Variants in GABRG3 observed in about 807,000 individuals in gnomAD.
GABRG3 encodes gamma-aminobutyric acid type A receptor subunit gamma3, also known as gamma-aminobutyric acid receptor subunit gamma-3.
Under a neutral mutation model 48.8 loss-of-function variants are expected in GABRG3, and 25 were observed. The ratio of observed to expected loss-of-function variants is 0.51; its 90% CI spans 0.37 to 0.72. The LOEUF is 0.72. GABRG3 is among the 30% of genes least tolerant of loss of function. The probability of loss-of-function intolerance (pLI) is 0.00; values close to 1 mark genes in which losing one functional copy is unlikely to be tolerated. For missense variants in GABRG3, 394 were observed against 577.9 expected (o/e 0.68, Z 3.26); for synonymous variants, 227 against 217.6 (o/e 1.04, Z -0.38).
At chr15:27,273,536 G>A (rs1207496896) in intron 3 of GABRG3, among the ~76,000 whole-genome samples, 1 of 152,188 alleles carries the variant, frequency 6.6e-6, no homozygotes, top group Non-Finnish European at 1.5e-5. Flanking sequence ...GCACAGAAGA[G>A]GAAGCTGATG....
chr15:27,164,540 T>TTC, intron 3 of GABRG3, among the ~76,000 whole-genome samples: 1 of 152,190 alleles, frequency 6.6e-6, no homozygotes, highest in Non-Finnish European at 1.5e-5. Context: ...GAATCAAAGC[T>TTC]TCACCCTTGA....
intron 3 of GABRG3, among the ~76,000 whole-genome samples, chr15:27,105,265 A>G (rs1897430147): frequency 6.6e-6 from 1 of 152,178 alleles, no homozygotes; most frequent in Admixed American, 6.5e-5. Flanking sequence ...ATCAAGCAAC[A>G]GAGCCTCAAA....
intron 6 of GABRG3, among the ~76,000 whole-genome samples, chr15:27,496,785 GAGC>G (rs1890498242): frequency 1.3e-5 from 2 of 152,152 alleles, no homozygotes; most frequent in Admixed American, 1.3e-4. Flanking sequence ...ATCAGTAGAG[GAGC>G]AGCAGCCACT....
At chr15:27,084,109 G>T (rs543739088) in intron 3 of GABRG3, among the ~76,000 whole-genome samples, 4 of 152,202 alleles carry the variant, frequency 2.6e-5, no homozygotes, top group Non-Finnish European at 4.4e-5. Flanking sequence ...CATCCAGGCC[G>T]TCTTGCCTCA....
At chr15:27,455,674 CTGTG>C (rs1373894567) in intron 5 of GABRG3, among the ~76,000 whole-genome samples, 1 of 119,798 alleles carries the variant, frequency 8.3e-6, no homozygotes, top group East Asian at 2.4e-4. Context: ...TGTATGTGTG[CTGTG>C]TGTGTGCATT....
chr15:27,484,848 T>C (rs1336339017), intron 6 of GABRG3, among the ~76,000 whole-genome samples: 1 of 152,216 alleles, frequency 6.6e-6, no homozygotes, highest in Admixed American at 6.5e-5. Context: ...TACAGTAGTA[T>C]TGGATTATAA....
intron 5 of GABRG3, chr15:27,364,021 G>T (rs993284002): frequency 2.6e-5 from 4 of 152,158 alleles, no homozygotes; most frequent in Non-Finnish European, 5.9e-5. Flanking sequence ...TAGAAGAGCA[G>T]GACGCTGATG....
chr15:27,026,836 T>G lies in GABRG3; in HGVS notation c.270+15T>G, dbSNP rs779639053. On this transcript the variant is annotated intron_variant, in intron 3 of 9. Coordinates refer to ENST00000615808, the MANE Select transcript of GABRG3 (RefSeq NM_033223.5). ...CAATAAACATGGTAAGAAGCTCCTTTATTTTCTGATCTAACGGCTGTTGCA... is the reference window on the plus strand; with the variant it reads ...CAATAAACATGGTAAGAAGCTCCTTGATTTTCTGATCTAACGGCTGTTGCA... The G allele has an allele frequency of 1.3e-6, 2 of 1,576,576 alleles. No homozygotes were observed. The highest frequency in any genetic ancestry group is 1.7e-6 in the Non-Finnish European group (2 of 1,157,598).
At chr15:27,330,244 T>TATAA (rs111964309) in intron 5 of GABRG3, among the ~76,000 whole-genome samples, 2,654 of 152,006 alleles carry the variant, frequency 0.017, 74 homozygotes, top group African/African-American at 0.057. Context: ...TGTCTCAAAA[T>TATAA]ATAAATAAAT....
chr15:27,393,260 C>T lies in GABRG3; in HGVS notation c.574+64372C>T, dbSNP rs565165088. On this transcript the variant is annotated intron_variant, in intron 5 of 9. Coordinates refer to ENST00000615808, the MANE Select transcript of GABRG3 (RefSeq NM_033223.5). The stretch of plus-strand genomic sequence containing the variant: ...TTGGGAGGCTGAGGCAGGAGAATGG[C>T]GTGAACCCGGGAGGTGGAGCTTGCA... 4.0e-5 allele frequency among the ~76,000 whole-genome samples: 6 copies of T among 150,922 alleles called. No homozygotes were observed. The South Asian group carries it at 6.3e-4, about 16-fold the overall frequency.
At chr15:27,099,002 A>G (rs1041528965) in intron 3 of GABRG3, among the ~76,000 whole-genome samples, 1 of 152,146 alleles carries the variant, frequency 6.6e-6, no homozygotes, top group African/African-American at 2.4e-5. Flanking sequence ...AATATGTCCA[A>G]AGTGCCGAGG....
intron 3 of GABRG3, among the ~76,000 whole-genome samples, chr15:27,214,503 T>C (rs1889177914): frequency 6.6e-6 from 1 of 150,530 alleles, no homozygotes; most frequent in African/African-American, 2.5e-5. Flanking sequence ...TTGGGTAAGC[T>C]ACGTATGAAG....
chr15:27,528,262 G>A (rs972609260), intron 9 of GABRG3, among the ~76,000 whole-genome samples: 1 of 152,050 alleles, frequency 6.6e-6, no homozygotes, highest in African/African-American at 2.4e-5. Context: ...AATAATATAG[G>A]TTCATGCATT....
At chr15:27,110,999 TCTC>T (rs1362375828) in intron 3 of GABRG3, among the ~76,000 whole-genome samples, 1 of 152,222 alleles carries the variant, frequency 6.6e-6, no homozygotes, top group Admixed American at 6.5e-5. Flanking sequence ...CTCTCTTTAT[TCTC>T]CTACTGGTGT....
At chr15:27,324,942 C>G (rs188626068) in intron 3 of GABRG3, among the ~76,000 whole-genome samples, 8 of 124,716 alleles carry the variant, frequency 6.4e-5, no homozygotes, top group Admixed American at 5.4e-4. Context: ...GGGTGGCAGC[C>G]TAATCCATTT....
chr15:27,227,373 T>G (rs1385830802), intron 3 of GABRG3, among the ~76,000 whole-genome samples: 1 of 151,660 alleles, frequency 6.6e-6, no homozygotes, highest in Non-Finnish European at 1.5e-5. Flanking sequence ...GGTGTGCACC[T>G]GTAGTCCTTT....
At chr15:27,430,420 C>CA (rs1888414015) in intron 5 of GABRG3, among the ~76,000 whole-genome samples, 1 of 151,780 alleles carries the variant, frequency 6.6e-6, no homozygotes, top group Non-Finnish European at 1.5e-5. Flanking sequence ...ATAATTTGAC[C>CA]TTTTTTTTCC....
intron 3 of GABRG3, among the ~76,000 whole-genome samples, chr15:27,076,086 T>C (rs1344503670): frequency 1.3e-5 from 2 of 152,162 alleles, no homozygotes; most frequent in Non-Finnish European, 2.9e-5. Flanking sequence ...GTTCATCTTG[T>C]AGACTGCTGC....
intron 6 of GABRG3, among the ~76,000 whole-genome samples, chr15:27,499,867 T>G (rs543263165): frequency 6.6e-6 from 1 of 152,308 alleles, no homozygotes; most frequent in East Asian, 1.9e-4. Flanking sequence ...ACCTTGAAAC[T>G]GAGACCCAAA....
Sources: allele counts gnomAD v4.1 joint callset (sites outside exome capture counted in the v4.1 genomes callset), GRCh38; gene constraint gnomAD v4.1.1; transcripts MANE v1.5; gene names NCBI Gene and HGNC (gene_info 2026-07-23, HGNC 2026-07-21).